AKR1A1: variants seen among roughly 807,000 people sequenced by gnomAD.
The protein encoded by AKR1A1 is HEL-S-165mP.
In AKR1A1, 26 loss-of-function variants were observed where a neutral mutation model predicts 39.2. The observed-to-expected ratio is 0.66, with a 90% confidence interval of 0.49 to 0.92. The LOEUF (loss-of-function observed/expected upper bound fraction) is 0.92. Among genes scored for constraint, AKR1A1 ranks in the 40% least tolerant of loss-of-function variants. The pLI is 0.00. For missense variants in AKR1A1, 378 were observed against 406.5 expected (o/e 0.93, Z 0.60); for synonymous variants, 141 against 155.5 (o/e 0.91, Z 0.69).
chr1:45,568,432 C>T, intron 5 of AKR1A1, 53 bp from the exon 6 acceptor site: 1 of 1,597,038 alleles, frequency 6.3e-7, no homozygotes, highest in Admixed American at 1.7e-5. Flanking sequence ...CTGGGATGGG[C>T]CAAGCAAGCT....
At chr1:45,556,834 G>A (rs1309115051) in intron 1 of AKR1A1, among the ~76,000 whole-genome samples, 4 of 152,044 alleles carry the variant, frequency 2.6e-5, no homozygotes, top group Non-Finnish European at 4.4e-5. Flanking sequence ...CCAAGATTGC[G>A]TCATTGCCCT....
chr1:45,557,539 T>A lies in AKR1A1; in HGVS notation c.-6-4250T>A, dbSNP rs1050806033. 7.2e-5 allele frequency among the ~76,000 whole-genome samples: 11 copies of A among 152,302 alleles called. 1 individual carries two copies. The highest frequency in any genetic ancestry group is 6.2e-4 in the South Asian group (3 of 4,830). On this transcript the variant is annotated intron_variant, in intron 1 of 8. Transcript: ENST00000351829. ...TTCAGGTTTCTTCTTCCTTTTCCCC[T>A]TAAGCCAGGGTGTTGTTCAAGCTCT...
intron 1 of AKR1A1, among the ~76,000 whole-genome samples, chr1:45,559,270 A>G (rs930971846): frequency 2.0e-5 from 3 of 152,178 alleles, no homozygotes; most frequent in African/African-American, 4.8e-5. Context: ...GGAACATTCA[A>G]TTTACTGACA....
chr1:45,553,671 A>T (rs534620824), intron 1 of AKR1A1, among the ~76,000 whole-genome samples: 12 of 152,196 alleles, frequency 7.9e-5, no homozygotes, highest in African/African-American at 2.9e-4. Flanking sequence ...TTACATATGT[A>T]AGGTGATTTT....
chr1:45,567,163 C>T, intron 4 of AKR1A1, 143 bp downstream of exon 4: 3 of 1,144,052 alleles, frequency 2.6e-6, no homozygotes, highest in Non-Finnish European at 3.7e-6. Flanking sequence ...GGATCTTAGC[C>T]TCTTCTGCTA....
chr1:45,555,174 C>G (rs921608933), intron 1 of AKR1A1, among the ~76,000 whole-genome samples: 28 of 152,244 alleles, frequency 1.8e-4, no homozygotes, highest in Non-Finnish European at 7.4e-5. Context: ...CAAAAACCAA[C>G]TTTAAAAATT....
chr1:45,558,508 T>A (rs190391584), intron 1 of AKR1A1, among the ~76,000 whole-genome samples: 73 of 150,840 alleles, frequency 4.8e-4, no homozygotes, highest in Non-Finnish European at 7.8e-4. Context: ...AAGCGATTCC[T>A]CCTGTCTCAG....
At position 45,566,695 on chromosome 1, in the gene AKR1A1, A is replaced by C; in HGVS notation, c.204+7A>C. 6.2e-7 allele frequency: 1 copy of C among 1,614,022 alleles called. No homozygotes were observed. Among genetic ancestry groups the C allele is most frequent in the Non-Finnish European group, 8.5e-7 (1 of 1,179,956 alleles). On this transcript the variant is annotated splice_region_variant and intron_variant, in intron 3 of 8. Coordinates refer to ENST00000351829, the MANE Select transcript of AKR1A1 (RefSeq NM_153326.3). ...GGACGTGGGACCAGGCAAGGTAAGG[A>C]CTGGGGTTGTAAATAGAGGTGGGAT... is the stretch of plus-strand genomic sequence containing the variant.
Position 45,561,775 on chromosome 1 carries a change from C to G in AKR1A1, c.-6-14C>G. The G allele has an allele frequency of 6.2e-7, 1 of 1,612,786 alleles. No individual in the cohort carries two copies. Among genetic ancestry groups the G allele is most frequent in the Non-Finnish European group, 8.5e-7 (1 of 1,178,884 alleles). Reference sequence around the variant, plus strand: ...ACTAACCCCAACACCATTCTCTTCCCATCTGTGTTTCAGGGGGCAATGGCG... The same window carrying G: ...ACTAACCCCAACACCATTCTCTTCCGATCTGTGTTTCAGGGGGCAATGGCG... On this transcript the variant is annotated splice_polypyrimidine_tract_variant and intron_variant, in intron 1 of 8. Transcript: ENST00000351829.
rs147179620 is a variant in AKR1A1 at position 45,553,354 on chromosome 1, G to A, written c.-7+2199G>A. ...GGAGAATCGGTTGAACCTGGAAGGC[G>A]AAGGTTGTAGTGAGCCGAGATCACA... On this transcript the variant is annotated intron_variant, in intron 1 of 8. Transcript: ENST00000351829. Among the ~76,000 whole-genome samples the A allele has an allele frequency of 7.8e-3, 1,178 of 150,996 alleles. 14 individuals carry two copies. The highest frequency in any genetic ancestry group is 0.039 in the South Asian group (188 of 4,760).
Position 45,562,144 on chromosome 1 carries a change from C to G in AKR1A1, c.84+266C>G, listed in dbSNP as rs559947353. Among the ~76,000 whole-genome samples, 355 of 152,112 alleles carry G rather than the reference C, an allele frequency of 2.3e-3. 4 individuals are homozygous for G. The highest frequency in any genetic ancestry group is 8.3e-3 in the African/African-American group (343 of 41,498). On this transcript the variant is annotated intron_variant, in intron 2 of 8. Transcript: ENST00000351829. ...AACATGGGGCCCCTCTGTGCCCATC[C>G]CTATGCTATGACCCCTAATATGGCA...
At chr1:45,552,028 G>A (rs549486463) in intron 1 of AKR1A1, among the ~76,000 whole-genome samples, 2 of 148,582 alleles carry the variant, frequency 1.3e-5, no homozygotes, top group African/African-American at 2.5e-5. Flanking sequence ...TATGGGACAG[G>A]TACTCTAGGA....
chr1:45,554,487 C>T (rs979951418), intron 1 of AKR1A1, among the ~76,000 whole-genome samples: 10 of 151,594 alleles, frequency 6.6e-5, no homozygotes, highest in African/African-American at 2.4e-4. Flanking sequence ...CCCAGCTACT[C>T]GGGATTGCTC....
intron 1 of AKR1A1, among the ~76,000 whole-genome samples, chr1:45,557,481 A>C (rs1644220007): frequency 1.3e-5 from 2 of 152,172 alleles, no homozygotes; most frequent in African/African-American, 4.8e-5. Flanking sequence ...TTCGGTGTTC[A>C]GTTTCACCAG....
intron 7 of AKR1A1, 31 bp downstream of exon 7, chr1:45,569,030 C>CAA (rs1644382184): frequency 1.2e-6 from 2 of 1,611,148 alleles, no homozygotes; most frequent in Non-Finnish European, 1.7e-6. Context: ...TCTTCTTTAG[C>CAA]TCTTTGGGAC....
At position 45,566,593 on chromosome 1, in the gene AKR1A1, C is replaced by T. The variant is rs199650864; in HGVS notation, c.109C>T (p.Leu37Phe). 1 of 1,614,246 alleles carries T rather than the reference C, an allele frequency of 6.2e-7. No homozygotes were observed. Among genetic ancestry groups the T allele is most frequent in the African/African-American group, 1.3e-5 (1 of 75,080 alleles). ...GGTAAAAGCAGCTGTTAAGTATGCCCTTAGCGTAGGCTACCGCCACATTGA... is the reference window on the plus strand; with the variant it reads ...GGTAAAAGCAGCTGTTAAGTATGCCTTTAGCGTAGGCTACCGCCACATTGA... ...GQVKAAVKYA[L>F]SVGYRHIDCA... The change falls in exon 3 of 9, where the codon CTT (leucine) becomes TTT (phenylalanine). Residue 37 changes from leucine (L) to phenylalanine (F), a missense_variant. Physicochemically the swap from Leu to Phe is conservative, Grantham distance 22. Transcript: ENST00000351829.
intron 2 of AKR1A1, among the ~76,000 whole-genome samples, chr1:45,564,078 A>C (rs1037803969): frequency 6.6e-6 from 1 of 152,204 alleles, no homozygotes; most frequent in African/African-American, 2.4e-5. Flanking sequence ...AGCAGAGAGA[A>C]CAGATTCTTC....
At position 45,568,625 on chromosome 1, in the gene AKR1A1, A is replaced by T; in HGVS notation, c.693A>T (p.Glu231Asp). ...RDPDEPVLLEEPVVLALAEKY... is the reference protein window; with the variant it reads ...RDPDEPVLLEDPVVLALAEKY... The stretch of plus-strand genomic sequence containing the variant: ...CTGATGAGCCTGTCCTGCTGGAGGA[A>T]CCAGTAGTCCTGGCATTGGCTGAAA... The change falls in exon 6 of 9, where the codon GAA becomes GAT. Residue 231 changes from glutamate to aspartate, a missense_variant. Glu to Asp is a conservative substitution (Grantham distance 45). Coordinates refer to ENST00000351829, the MANE Select transcript of AKR1A1 (RefSeq NM_153326.3). 1 of 1,613,878 alleles carries T rather than the reference A, an allele frequency of 6.2e-7. No individual in the cohort carries two copies. The highest frequency in any genetic ancestry group is 1.1e-5 in the South Asian group (1 of 91,058).
chr1:45,568,505 G>A lies in AKR1A1; in HGVS notation c.573G>A (p.Leu191=). The change falls in exon 6 of 9, where the codon TTG becomes TTA. Residue 191 remains leucine (L), a synonymous_variant. Transcript: ENST00000351829. ...CTCAGGTGGAATGCCACCCATACTT[G>A]GCTCAAAATGAGCTAATTGCCCACT... ...AVLQVECHPY[L]AQNELIAHCQ... is the part of the protein sequence containing the mutation. 1 of 1,613,776 alleles carries A rather than the reference G, an allele frequency of 6.2e-7. No homozygotes were observed. Among genetic ancestry groups the A allele is most frequent in the Non-Finnish European group, 8.5e-7 (1 of 1,180,026 alleles).
Sources: allele counts gnomAD v4.1 joint callset (sites outside exome capture counted in the v4.1 genomes callset), GRCh38; gene constraint gnomAD v4.1.1; transcripts MANE v1.5; gene names NCBI Gene and HGNC (gene_info 2026-07-23, HGNC 2026-07-21).